TRIM38: variants seen among roughly 807,000 people sequenced by gnomAD.
TRIM38 encodes tripartite motif containing 38.
A neutral mutation model predicts 35.8 loss-of-function variants in TRIM38; 35 were observed. The observed-to-expected ratio is 0.98, with a 90% CI of 0.75 to 1.30. The LOEUF (loss-of-function observed/expected upper bound fraction) is 1.30, where lower values mean the gene tolerates loss of function less well. TRIM38 is among the 50% of genes most tolerant of loss of function. The pLI, the probability that TRIM38 is intolerant of heterozygous loss-of-function variation, is 0.00. For synonymous variants in TRIM38, 198 were observed against 204.7 expected, an observed-to-expected ratio of 0.97 and a Z score of 0.28; for missense variants, 545 against 556.9, an observed-to-expected ratio of 0.98 and a Z score of 0.21.
At position 25,987,208 on chromosome 6, in the gene TRIM38, C is replaced by CCCA. The variant is rs1554143680; in HGVS notation, c.*3523_*3524insACC. 8.3e-6 allele frequency: 1 copy of CCCA among 120,970 alleles called. No homozygotes were observed. The highest frequency in any genetic ancestry group is 3.4e-5 in the African/African-American group (1 of 29,720). The allele number at this position is 120,970 out of a possible 1,614,324, so 7.5% of individuals were successfully genotyped here. A position where few individuals can be genotyped will look rare whatever the true frequency, so the allele number is the denominator to read the frequency against. ...AAAGCTTAACAAAGGTACTCCCCGC[C>CCCA]CCCCGCCCGCCACACACCATCCCCA... is the stretch of plus-strand genomic sequence containing the variant. On this transcript the variant is annotated 3_prime_UTR_variant, in exon 8 of 8. Transcript: ENST00000357085.
chr6:25,977,582 G>T (rs940822928), intron 7 of TRIM38, among the ~76,000 whole-genome samples: 2 of 151,918 alleles, frequency 1.3e-5, no homozygotes, highest in African/African-American at 4.8e-5. Flanking sequence ...AGGCAGAATT[G>T]CTTGAACCCA....
At position 25,989,632 on chromosome 6, in the gene TRIM38, G is replaced by A. The variant is rs1392201330; in HGVS notation, c.*5945G>A. The stretch of plus-strand genomic sequence containing the variant: ...GCCTTCCAAAGTACTGGGATTACAG[G>A]CATAAGTCACCACGCTCAGCCATCT... On this transcript the variant is annotated 3_prime_UTR_variant, in exon 8 of 8. Coordinates refer to ENST00000357085, the MANE Select transcript of TRIM38 (RefSeq NM_006355.5). 3 of 149,562 alleles carry A rather than the reference G, an allele frequency of 2.0e-5. No homozygotes were observed. Among genetic ancestry groups the A allele is most frequent in the Non-Finnish European group, 3.0e-5 (2 of 67,472 alleles). The allele number at this position is 149,562 out of a possible 1,614,324, so 9.3% of individuals were successfully genotyped here. A position where few individuals can be genotyped will look rare whatever the true frequency, so the allele number is the denominator to read the frequency against.
chr6:25,971,931 A>G lies in TRIM38; in HGVS notation c.570A>G (p.Leu190=). The change falls in exon 5 of 8, where the codon CTA becomes CTG. Residue 190 remains leucine, a synonymous_variant. Coordinates refer to ENST00000357085, the MANE Select transcript of TRIM38 (RefSeq NM_006355.5). ...ACTTTAAGAATCTCCAGTGTTTCCTACATGAGGAAGAGAAGTCTTATCTCT... is the reference window on the plus strand; with the variant it reads ...ACTTTAAGAATCTCCAGTGTTTCCTGCATGAGGAAGAGAAGTCTTATCTCT... ...RSDFKNLQCF[L]HEEEKSYLWR... 1.9e-6 allele frequency: 3 copies of G among 1,614,180 alleles called. No homozygotes were observed. The highest frequency in any genetic ancestry group is 2.7e-5 in the African/African-American group (2 of 75,048).
rs868053647 is a variant in TRIM38 at position 25,982,774 on chromosome 6, C to T, written c.875-390C>T. The stretch of plus-strand genomic sequence containing the variant: ...ATAAGAAACAATAGTTGGGTTTGAA[C>T]ACAGGCTGGTTTTATTGAAAATAAC... On this transcript the variant is annotated intron_variant, in intron 7 of 7. Coordinates refer to ENST00000357085, the MANE Select transcript of TRIM38 (RefSeq NM_006355.5). Among the ~76,000 whole-genome samples the T allele has an allele frequency of 5.3e-4, 80 of 152,296 alleles. 1 individual carries two copies. Among genetic ancestry groups the T allele is most frequent in the Admixed American group, 8.5e-4 (13 of 15,286 alleles).
intron 3 of TRIM38, among the ~76,000 whole-genome samples, chr6:25,968,271 G>A (rs1182882685): frequency 6.6e-6 from 1 of 152,108 alleles, no homozygotes; most frequent in Non-Finnish European, 1.5e-5. Context: ...GCTAATAACT[G>A]CGATGATCAT....
chr6:25,987,609 C>T lies in TRIM38; in HGVS notation c.*3922C>T. Reference sequence around the variant, plus strand: ...ACACAAACATTTACTTCAACTGTAACTATTGAAGCAAAAATGTCCCCCCAC... The same window carrying T: ...ACACAAACATTTACTTCAACTGTAATTATTGAAGCAAAAATGTCCCCCCAC... On this transcript the variant is annotated 3_prime_UTR_variant, in exon 8 of 8. Coordinates refer to ENST00000357085, the MANE Select transcript of TRIM38 (RefSeq NM_006355.5). 6.6e-6 allele frequency: 1 copy of T among 152,202 alleles called. No homozygotes were observed. The highest frequency in any genetic ancestry group is 1.9e-4 in the East Asian group (1 of 5,198). 9.4% of individuals were successfully genotyped at this position (152,202 alleles called of 1,614,324 possible). A position where few individuals can be genotyped will look rare whatever the true frequency, so the allele number is the denominator to read the frequency against.
At chr6:25,963,917 CAACA>C (rs1189623399) in intron 2 of TRIM38, among the ~76,000 whole-genome samples, 1 of 151,648 alleles carries the variant, frequency 6.6e-6, no homozygotes, top group African/African-American at 2.4e-5. Flanking sequence ...AAAGCAAAAA[CAACA>C]ACAACAAAAA....
intron 3 of TRIM38, among the ~76,000 whole-genome samples, chr6:25,967,524 C>CTTT (rs34579913): frequency 4.4e-5 from 4 of 90,896 alleles, no homozygotes; most frequent in African/African-American, 9.5e-5. Context: ...GGTACCTCTA[C>CTTT]TTTTTTTTTT....
intron 7 of TRIM38, chr6:25,973,496 T>G (rs1305705413): frequency 1.0e-6 from 1 of 985,236 alleles, no homozygotes; most frequent in Non-Finnish European, 1.2e-6. Flanking sequence ...ACCTTTCAAA[T>G]TCTTATTCTT....
rs1396514124 is a variant in TRIM38 at position 25,966,835 on chromosome 6, G to A, written c.313G>A (p.Glu105Lys). Residue 105 changes from glutamate (E) to lysine (K), a missense_variant, in exon 3 of 8, where the codon GAA becomes AAA. Glu to Lys is a moderately conservative substitution (Grantham distance 56). Coordinates refer to ENST00000357085, the MANE Select transcript of TRIM38 (RefSeq NM_006355.5). ...CGGAGAGCAGTTCCACCTGTTCTGC[G>A]AAGACGAGGGGCAGCTCATCTGCTG... ...EHGEQFHLFC[E>K]DEGQLICWRC... 1.5e-5 allele frequency: 25 copies of A among 1,614,058 alleles called. No homozygotes were observed. Among genetic ancestry groups the A allele is most frequent in the Non-Finnish European group, 1.9e-5 (23 of 1,180,038 alleles).
chr6:25,967,538 TTTTTTTTTTTTTC>T (rs1348336217), intron 3 of TRIM38, among the ~76,000 whole-genome samples: 26 of 68,076 alleles, frequency 3.8e-4, no homozygotes, highest in Non-Finnish European at 5.9e-4. Context: ...TTTTTTTTTT[TTTTTTTTTTTTTC>T]CTGAGGTAGG....
rs571130767 is a variant in TRIM38, at chr6:25,966,810, C to T, written c.288C>T (p.His96=). ...ETDQEMSCEE[H]GEQFHLFCED... is the part of the protein sequence containing the mutation. ...ATCAAGAAATGTCATGTGAGGAACA[C>T]GGAGAGCAGTTCCACCTGTTCTGCG... Residue 96 remains histidine, a synonymous_variant, in exon 3 of 8, where the codon CAC becomes CAT. Coordinates refer to ENST00000357085, the MANE Select transcript of TRIM38 (RefSeq NM_006355.5). The T allele has an allele frequency of 9.3e-6, 15 of 1,614,178 alleles. No individual in the cohort carries two copies. The highest frequency in any genetic ancestry group is 5.3e-5 in the African/African-American group (4 of 75,040).
At chr6:25,979,470 A>C (rs1316795810) in intron 7 of TRIM38, among the ~76,000 whole-genome samples, 1 of 152,122 alleles carries the variant, frequency 6.6e-6, no homozygotes, top group African/African-American at 2.4e-5. Context: ...TTTTCTAGGA[A>C]GTAATAATTT....
In TRIM38 at chr6:25,990,022, C is replaced by CTTTTTTTTTTTTTT. The variant is rs1760802556; in HGVS notation, c.*6338_*6339insTTTTTTTTTTTTTT. 9.2e-6 allele frequency: 1 copy of CTTTTTTTTTTTTTT among 108,248 alleles called. No homozygotes were observed. Among genetic ancestry groups the CTTTTTTTTTTTTTT allele is most frequent in the Admixed American group, 9.1e-5 (1 of 10,940 alleles). 6.7% of individuals were successfully genotyped at this position (108,248 alleles called of 1,614,324 possible). A position where few individuals can be genotyped will look rare whatever the true frequency, so the allele number is the denominator to read the frequency against. ...ACTTTATCATCCTTTTTTTTTTTTT[C>CTTTTTTTTTTTTTT]TTTCTTCCTTTTTAGATACAGGGTC... On this transcript the variant is annotated 3_prime_UTR_variant, in exon 8 of 8. Transcript: ENST00000357085.
At position 25,969,404 on chromosome 6, in the gene TRIM38, G is replaced by A. The variant is rs374962896; in HGVS notation, c.491G>A (p.Arg164Gln). Residue 164 changes from arginine (R) to glutamine (Q), a missense_variant, in exon 4 of 8, where the codon CGA (arginine) becomes CAA (glutamine). Physicochemically the swap from Arg to Gln is conservative, Grantham distance 43. Coordinates refer to ENST00000357085, the MANE Select transcript of TRIM38 (RefSeq NM_006355.5). ...CTEQKLSTAMRITKWKEKVQI... is the reference protein window; with the variant it reads ...CTEQKLSTAMQITKWKEKVQI... Reference sequence around the variant, plus strand: ...GAGCAGAAGCTGTCCACAGCAATGCGAATAACTAAATGGAAAGTAAGAATC... The same window carrying A: ...GAGCAGAAGCTGTCCACAGCAATGCAAATAACTAAATGGAAAGTAAGAATC... 1.1e-4 allele frequency: 178 copies of A among 1,608,310 alleles called. No homozygotes were observed. The highest frequency in any genetic ancestry group is 1.3e-4 in the Non-Finnish European group (155 of 1,177,126).
rs1216983695 is a variant in TRIM38 at position 25,985,121 on chromosome 6, A to G, written c.*1434A>G. 1 of 152,136 alleles carries G rather than the reference A, an allele frequency of 6.6e-6. No homozygotes were observed. The highest frequency in any genetic ancestry group is 1.5e-5 in the Non-Finnish European group (1 of 68,028). 9.4% of individuals were successfully genotyped at this position (152,136 alleles called of 1,614,324 possible). On this transcript the variant is annotated 3_prime_UTR_variant, in exon 8 of 8. Transcript: ENST00000357085. ...AAGTATTTTGAGTTGAAGACAATTG[A>G]GAAAAAAAATAGATTAAAAACAAAC... is the stretch of plus-strand genomic sequence containing the variant.
Position 25,973,258 on chromosome 6 carries a change from G to A in TRIM38, c.847G>A (p.Val283Met). ...CAATGTTTCCAAGCTTTACTTCGATGTGAAGAAAATGTTAAGGAGTCATCA... is the reference window on the plus strand; with the variant it reads ...CAATGTTTCCAAGCTTTACTTCGATATGAAGAAAATGTTAAGGAGTCATCA... The part of the protein sequence containing the change: ...MCNVSKLYFD[V>M]KKMLRSHQVS... Residue 283 changes from valine to methionine, a missense_variant, in exon 7 of 8, where the codon GTG becomes ATG. Coordinates refer to ENST00000357085, the MANE Select transcript of TRIM38 (RefSeq NM_006355.5). 1 of 1,613,946 alleles carries A rather than the reference G, an allele frequency of 6.2e-7. No individual in the cohort carries two copies. Among genetic ancestry groups the A allele is most frequent in the Non-Finnish European group, 8.5e-7 (1 of 1,180,012 alleles).
rs1760717779 is a variant in TRIM38, at chr6:25,986,756, T to C, written c.*3069T>C. The C allele has an allele frequency of 6.6e-6, 1 of 152,106 alleles. No homozygotes were observed. The highest frequency in any genetic ancestry group is 6.6e-5 in the Admixed American group (1 of 15,262). 9.4% of individuals were successfully genotyped at this position (152,106 alleles called of 1,614,324 possible). A position where few individuals can be genotyped will look rare whatever the true frequency, so the allele number is the denominator to read the frequency against. ...GAAGCCCAGAAAATCCAGGTCTTGTTTGTGTATGGAAACTCCAGAAAATCA... is the reference window on the plus strand; with the variant it reads ...GAAGCCCAGAAAATCCAGGTCTTGTCTGTGTATGGAAACTCCAGAAAATCA... On this transcript the variant is annotated 3_prime_UTR_variant, in exon 8 of 8. Coordinates refer to ENST00000357085, the MANE Select transcript of TRIM38 (RefSeq NM_006355.5).
At chr6:25,973,513 A>G (rs1760303274) in intron 7 of TRIM38, 3 of 984,412 alleles carry the variant, frequency 3.0e-6, no homozygotes, top group South Asian at 4.7e-5. Context: ...TCTTTCACTT[A>G]TTAGCCATGT....
Sources: allele counts gnomAD v4.1 joint callset (sites outside exome capture counted in the v4.1 genomes callset), GRCh38; gene constraint gnomAD v4.1.1; transcripts MANE v1.5; gene names NCBI Gene and HGNC (gene_info 2026-07-23, HGNC 2026-07-21).